USP9Y: variants seen among roughly 807,000 people sequenced by gnomAD.
USP9Y encodes ubiquitin carboxyl-terminal hydrolase 9Y.
In USP9Y, 41 loss-of-function variants were observed where a neutral mutation model predicts 53.1. That is an observed-to-expected ratio of 0.77 (90% CI 0.60 to 1.00). The LOEUF is 1.00. USP9Y is among the 50% of genes least tolerant of loss of function. The pLI is 0.00. For missense variants in USP9Y, 567 were observed against 535.8 expected, an observed-to-expected ratio of 1.06 and a Z score of -0.58; for synonymous variants, 220 against 173.7, an observed-to-expected ratio of 1.27 and a Z score of -2.09.
At chrY:12,828,147 C>CA (rs750126154) in intron 33 of USP9Y, among the ~76,000 whole-genome samples, 108 of 10,276 alleles carry the variant, frequency 0.011, no homozygotes, top group East Asian at 0.053. Context: ...AGAAGGAAAT[C>CA]AAAAAAAAAA....
At chrY:12,780,552 A>G in intron 22 of USP9Y, among the ~76,000 whole-genome samples, 1 of 33,069 alleles carries the variant, frequency 3.0e-5, no homozygotes, top group Non-Finnish European at 7.4e-5. Flanking sequence ...AATGCACCTA[A>G]ACTCTCCCAC....
chrY:12,767,604 A>ATC lies in USP9Y; in HGVS notation c.1901-3462_1901-3461dup, dbSNP rs2053481080. Among the ~76,000 whole-genome samples the ATC allele has an allele frequency of 1.7e-4, 5 of 29,605 alleles. No individual in the cohort carries two copies. In the East Asian group the frequency reaches 5.3e-3, roughly 31 times the overall value. The allele number at this position is 29,605 out of a possible 37,273, so 79.4% of individuals were successfully genotyped here. A position where few individuals can be genotyped will look rare whatever the true frequency, so the allele number is the denominator to read the frequency against. ...TGACAGCTTCATGAAGAGTGTGTGT[A>ATC]TCTGTGTGTGTGTGTGTGTGTGTGT... is the stretch of plus-strand genomic sequence containing the variant. On this transcript the variant is annotated intron_variant, in intron 15 of 45. Transcript: ENST00000338981.
intron 3 of USP9Y, among the ~76,000 whole-genome samples, chrY:12,710,399 T>C: frequency 3.0e-5 from 1 of 33,326 alleles, no homozygotes; most frequent in Non-Finnish European, 7.4e-5. Context: ...GGGTGATTCA[T>C]TAATTGCATT....
chrY:12,807,338 CTTTTTTTTTTTTTTTTTTTTTTTTTTTT>C (rs782722873), intron 27 of USP9Y, among the ~76,000 whole-genome samples: 4 of 2,195 alleles, frequency 1.8e-3, no homozygotes, highest in Admixed American at 0.017. Context: ...AGGCTTAACT[CTTTTTTTTTTTTTTTTTTTTTTTTTTTT>C]TTTTTTTTTT....
chrY:12,826,723 A>AG (rs2053546695), intron 33 of USP9Y, among the ~76,000 whole-genome samples: 1 of 30,832 alleles, frequency 3.2e-5, no homozygotes, highest in Non-Finnish European at 7.9e-5. Flanking sequence ...AAAAAAAAAA[A>AG]GAAGTGATAG....
chrY:12,834,117 A>G, intron 34 of USP9Y, among the ~76,000 whole-genome samples: 4 of 33,128 alleles, frequency 1.2e-4, no homozygotes, highest in African/African-American at 3.5e-4. Flanking sequence ...TTTTCCATAA[A>G]TCTACACTTA....
At chrY:12,823,214 C>T in intron 33 of USP9Y, among the ~76,000 whole-genome samples, 1 of 33,091 alleles carries the variant, frequency 3.0e-5, no homozygotes, top group African/African-American at 1.2e-4. Flanking sequence ...TAATAGCTCC[C>T]TCATATCCCC....
chrY:12,743,497 A>G (rs2053458236), intron 12 of USP9Y, among the ~76,000 whole-genome samples: 1 of 33,088 alleles, frequency 3.0e-5, no homozygotes, highest in Non-Finnish European at 7.4e-5. Flanking sequence ...TGACCTTGTC[A>G]TCTGATCTGC....
intron 7 of USP9Y, among the ~76,000 whole-genome samples, chrY:12,734,658 A>T: frequency 3.0e-5 from 1 of 33,825 alleles, no homozygotes; most frequent in Admixed American, 2.7e-4. Flanking sequence ...TTTTCATCGT[A>T]TCAAACGTAG....
chrY:12,790,533 G>A lies in USP9Y; in HGVS notation c.3687+1G>A. On this transcript the variant is annotated splice_donor_variant, in intron 25 of 45. Transcript: ENST00000338981. LOFTEE classifies it high-confidence loss of function. ...TCTTGCTCAGGAAATATCTAATGAGGTTAGTATGAAAGTTAGACAGTTCTG... is the reference window on the plus strand; with the variant it reads ...TCTTGCTCAGGAAATATCTAATGAGATTAGTATGAAAGTTAGACAGTTCTG... 1 of 394,564 alleles carries A rather than the reference G, an allele frequency of 2.5e-6. No homozygotes were observed. The highest frequency in any genetic ancestry group is 3.6e-6 in the Non-Finnish European group (1 of 280,215).
intron 38 of USP9Y, 109 bp downstream of exon 38, chrY:12,842,574 C>T: frequency 5.4e-6 from 1 of 186,764 alleles, no homozygotes; most frequent in Non-Finnish European, 9.3e-6. Flanking sequence ...GATGTATTCA[C>T]CATAAACAAA....
intron 24 of USP9Y, among the ~76,000 whole-genome samples, chrY:12,789,257 C>T: frequency 3.0e-5 from 1 of 33,403 alleles, no homozygotes; most frequent in Non-Finnish European, 7.4e-5. Flanking sequence ...ACGCTTTGAC[C>T]GCCTGACAGT....
intron 1 of USP9Y, among the ~76,000 whole-genome samples, chrY:12,706,942 G>GT (rs769813182): frequency 1.6e-4 from 5 of 31,685 alleles, no homozygotes; most frequent in East Asian, 8.2e-4. Context: ...CCAGTCTTTA[G>GT]TTTTTTTTTG....
chrY:12,809,745 A>AAG (rs2053527894), intron 27 of USP9Y, among the ~76,000 whole-genome samples: 1 of 33,170 alleles, frequency 3.0e-5, no homozygotes, highest in Non-Finnish European at 7.5e-5. Context: ...GGAGGCTAAA[A>AAG]AAGATATACA....
At chrY:12,741,127 C>T (rs2148282349) in intron 12 of USP9Y, among the ~76,000 whole-genome samples, 1 of 31,778 alleles carries the variant, frequency 3.1e-5, no homozygotes, top group South Asian at 7.3e-4. Flanking sequence ...TCTTGGACCT[C>T]GGGGGCAGAG....
chrY:12,702,649 A>C, intron 1 of USP9Y, among the ~76,000 whole-genome samples: 1 of 33,658 alleles, frequency 3.0e-5, no homozygotes, highest in Non-Finnish European at 7.3e-5. Context: ...TTCTGTCTGC[A>C]AAACAATATT....
chrY:12,819,738 T>A, intron 33 of USP9Y, among the ~76,000 whole-genome samples: 7 of 31,675 alleles, frequency 2.2e-4, no homozygotes, highest in Admixed American at 1.8e-3. Context: ...CTTTATATTT[T>A]TATATATATA....
chrY:12,846,923 T>C lies in USP9Y; in HGVS notation c.6755-10T>C, dbSNP rs983647181. On this transcript the variant is annotated splice_polypyrimidine_tract_variant and intron_variant, in intron 40 of 45. Transcript: ENST00000338981. The stretch of plus-strand genomic sequence containing the variant: ...CTATTGGTTTTTCATTGATAACAAA[T>C]CTGTTCTAGGTAATCCCCCTCTCCC... The C allele has an allele frequency of 3.2e-5, 12 of 372,142 alleles. No individual in the cohort carries two copies. Among genetic ancestry groups the C allele is most frequent in the Admixed American group, 7.6e-5 (1 of 13,110 alleles). 92.8% of individuals were successfully genotyped at this position (372,142 alleles called of 400,897 possible).
intron 12 of USP9Y, among the ~76,000 whole-genome samples, chrY:12,755,162 C>CT (rs201909503): frequency 7.1e-3 from 152 of 21,356 alleles, no homozygotes; most frequent in East Asian, 0.049. Flanking sequence ...TGTTTTCTTT[C>CT]TTTTTTTTTT....
Sources: allele counts gnomAD v4.1 joint callset (sites outside exome capture counted in the v4.1 genomes callset), GRCh38; gene constraint gnomAD v4.1.1; transcripts MANE v1.5; gene names NCBI Gene and HGNC (gene_info 2026-07-23, HGNC 2026-07-21).